Variants in KCNQ2 observed in about 807,000 individuals in gnomAD.
KCNQ2 encodes the protein potassium voltage-gated channel subfamily Q member 2, also known as potassium voltage-gated channel subfamily KQT member 2.
A neutral mutation model predicts 84.8 loss-of-function variants in KCNQ2; 14 were observed. That is an observed-to-expected ratio of 0.17 (90% CI 0.11 to 0.26). KCNQ2 has a LOEUF of 0.26. Among genes scored for constraint, KCNQ2 ranks in the 10% least tolerant of loss-of-function variants. The pLI is 1.00. For synonymous variants in KCNQ2, 599 were observed against 554.1 expected, an observed-to-expected ratio of 1.08 and a Z score of -1.14; for missense variants, 788 against 1,254.0, an observed-to-expected ratio of 0.63 and a Z score of 5.61.
chr20:63,400,772 G>A lies in KCNQ2; in HGVS notation c.*5872C>T. 1 of 398,532 alleles carries A rather than the reference G, an allele frequency of 2.5e-6. No homozygotes were observed. Among genetic ancestry groups the A allele is most frequent in the Non-Finnish European group, 4.4e-6 (1 of 225,990 alleles). 24.7% of individuals were successfully genotyped at this position (398,532 alleles called of 1,614,324 possible). ...GGGATGGCGTCCAGCGGGACCACCA[G>A]CTCTGGGCGCCTCAGTGCGAGACCC... On this transcript the variant is annotated 3_prime_UTR_variant, in exon 17 of 17. Transcript: ENST00000359125. This position sits in a 1 kb window ranked among gnomAD's most constrained non-coding sequence, Gnocchi z 8.7.
chr20:63,423,393 G>A (rs950623947), intron 11 of KCNQ2: 1 of 152,362 alleles, frequency 6.6e-6, no homozygotes, highest in African/African-American at 2.4e-5. Flanking sequence ...ATGGGGCACA[G>A]GGGGCCCAGA....
chr20:63,436,337 C>T (rs6010935), intron 7 of KCNQ2, among the ~76,000 whole-genome samples: 1,935 of 152,302 alleles, frequency 0.013, 42 homozygotes, highest in African/African-American at 0.045. Flanking sequence ...CGAGACCATC[C>T]TGGCTAACAC....
rs779813699 is a variant in KCNQ2, at chr20:63,414,147, G to A, written c.1572C>T (p.Pro524=). Residue 524 remains proline, a synonymous_variant, in exon 14 of 17, where the codon CCC becomes CCT. Transcript: ENST00000359125. The surrounding 1 kb of genome is among the most constrained non-coding windows in gnomAD (Gnocchi z 6.6). ...GEDIVDDKSC[P]CEFVTEDLTP... is the part of the protein sequence containing the mutation. ...TCAGGTCCTCGGTCACAAACTCGCA[G>A]GGGCAGCTCTTGTCATCCACAATGT... The A allele has an allele frequency of 6.2e-6, 10 of 1,613,676 alleles. No individual in the cohort carries two copies. In the African/African-American group the frequency reaches 1.2e-4, roughly 19 times the overall value.
chr20:63,416,861 A>C (rs574429757), intron 12 of KCNQ2, among the ~76,000 whole-genome samples: 1 of 146,424 alleles, frequency 6.8e-6, no homozygotes. Flanking sequence ...GCCCCTCCCC[A>C]CCCCATCCCC....
chr20:63,414,008 G>A lies in KCNQ2; in HGVS notation c.1631+80C>T, dbSNP rs573358023. On this transcript the variant is annotated intron_variant, in intron 14 of 16. Transcript: ENST00000359125. The surrounding 1 kb of genome is among the most constrained non-coding windows in gnomAD (Gnocchi z 6.6). ...TCTGGGCGGCTCTGTCCAGCACCATGAGCACCGGCAGCAGGCAGGACCACC... is the reference window on the plus strand; with the variant it reads ...TCTGGGCGGCTCTGTCCAGCACCATAAGCACCGGCAGCAGGCAGGACCACC... The A allele has an allele frequency of 2.4e-5, 26 of 1,068,954 alleles. No individual in the cohort carries two copies. Among genetic ancestry groups the A allele is most frequent in the Middle Eastern group, 2.2e-4 (1 of 4,528 alleles). 66.2% of individuals were successfully genotyped at this position (1,068,954 alleles called of 1,614,324 possible).
At chr20:63,462,187 G>A (rs2081973258) in intron 1 of KCNQ2, among the ~76,000 whole-genome samples, 3 of 137,388 alleles carry the variant, frequency 2.2e-5, no homozygotes, top group Admixed American at 7.2e-5. Context: ...GCAGGGAGGA[G>A]GCTGCATCTA....
Position 63,407,150 on chromosome 20 carries a change from G to T in KCNQ2, c.2113C>A (p.Pro705Thr). Residue 705 changes from proline to threonine, a missense_variant, in exon 17 of 17, where the codon CCG (proline) becomes ACG (threonine). This residue lies in a region of KCNQ2 where 378 missense variants were observed against 434.5 expected (regional missense o/e 0.87). Coordinates refer to ENST00000359125, the MANE Select transcript of KCNQ2 (RefSeq NM_172107.4). The surrounding 1 kb of genome is among the most constrained non-coding windows in gnomAD (Gnocchi z 7.2). ...GGACACTGGACAGGGGGCGCGGCCG[G>T]GGGCGCCGAGAAGTTCTTCTGGCCC... ...STGQKNFSAP[P>T]AAPPVQCPPS... is the part of the protein sequence containing the mutation. 6.3e-7 allele frequency: 1 copy of T among 1,583,922 alleles called. No individual in the cohort carries two copies.
At position 63,407,075 on chromosome 20, in the gene KCNQ2, T is replaced by C. The variant is rs1441250745; in HGVS notation, c.2188A>G (p.Thr730Ala). 3 of 1,526,148 alleles carry C rather than the reference T, an allele frequency of 2.0e-6. No individual in the cohort carries two copies. Among genetic ancestry groups the C allele is most frequent in the Non-Finnish European group, 2.6e-6 (3 of 1,138,420 alleles). The allele number at this position is 1,526,148 out of a possible 1,614,324, so 94.5% of individuals were successfully genotyped here. ...GAGCCGTGGTCCCCCACGGGGGAGG[T>C]GCCGTGGCCCTGGCGCGGGTGGCTC... ...PQSHPRQGHGTSPVGDHGSLV... is the reference protein window; with the variant it reads ...PQSHPRQGHGASPVGDHGSLV... Residue 730 changes from threonine to alanine, a missense_variant, in exon 17 of 17, where the codon ACC becomes GCC. By Grantham distance (58) the Thr-to-Ala change is moderately conservative. This residue lies in a region of KCNQ2 where 378 missense variants were observed against 434.5 expected (regional missense o/e 0.87). Coordinates refer to ENST00000359125, the MANE Select transcript of KCNQ2 (RefSeq NM_172107.4). The surrounding 1 kb of genome is among the most constrained non-coding windows in gnomAD (Gnocchi z 7.2).
intron 6 of KCNQ2, among the ~76,000 whole-genome samples, chr20:63,439,089 A>G (rs1166682091): frequency 2.6e-5 from 4 of 152,178 alleles, no homozygotes; most frequent in Non-Finnish European, 4.4e-5. Flanking sequence ...TCCACACAGA[A>G]GAGTCTGCAG....
intron 11 of KCNQ2, 134 bp downstream of exon 11, chr20:63,424,043 C>G: frequency 1.0e-6 from 1 of 985,440 alleles, no homozygotes; most frequent in Non-Finnish European, 1.6e-6. Context: ...GGTCTGGACC[C>G]GCAGTCACAC....
Position 63,428,557 on chromosome 20 carries a change from C to G in KCNQ2, c.1149-122G>C, listed in dbSNP as rs1034102063. The G allele has an allele frequency of 6.0e-6, 5 of 834,290 alleles. No homozygotes were observed. In the African/African-American group the frequency reaches 8.4e-5, roughly 14 times the overall value. 51.7% of individuals were successfully genotyped at this position (834,290 alleles called of 1,614,324 possible). On this transcript the variant is annotated intron_variant, in intron 9 of 16. Transcript: ENST00000359125. ...GTGTCAGACACCCGGCGGCATGTGA[C>G]GTGGCCAGGCTTTCAGGCAGCTGCC...
At chr20:63,469,953 A>G (rs12624394) in intron 1 of KCNQ2, among the ~76,000 whole-genome samples, 13,878 of 152,300 alleles carry the variant, frequency 0.091, 1,066 homozygotes, top group East Asian at 0.45. Flanking sequence ...GCTGAGCCAC[A>G]TCCCCTTTCA....
At position 63,431,328 on chromosome 20, in the gene KCNQ2, T is replaced by C; in HGVS notation, c.1148+12A>G. 6.2e-7 allele frequency: 1 copy of C among 1,613,408 alleles called. No individual in the cohort carries two copies. The highest frequency in any genetic ancestry group is 8.5e-7 in the Non-Finnish European group (1 of 1,179,676). ...CACACACACACAGGGCTTCTGTCCA[T>C]GCATTTCCTACCTGGAGGCCCCGTA... On this transcript the variant is annotated intron_variant, in intron 9 of 16. Coordinates refer to ENST00000359125, the MANE Select transcript of KCNQ2 (RefSeq NM_172107.4).
intron 10 of KCNQ2, among the ~76,000 whole-genome samples, chr20:63,424,899 C>T (rs1446180469): frequency 3.9e-5 from 6 of 152,210 alleles, no homozygotes; most frequent in African/African-American, 1.4e-4. Context: ...GCTGGTGCCC[C>T]GGCTGGTACG....
At chr20:63,432,466 A>T (rs866442504) in intron 8 of KCNQ2, among the ~76,000 whole-genome samples, 196 of 98,034 alleles carry the variant, frequency 2.0e-3, no homozygotes, top group Admixed American at 4.1e-3. Flanking sequence ...GGCTCCACCC[A>T]CAGGGAAGGC....
At chr20:63,435,605 G>A (rs2080970701) in intron 7 of KCNQ2, among the ~76,000 whole-genome samples, 1 of 152,238 alleles carries the variant, frequency 6.6e-6, no homozygotes, top group Admixed American at 6.5e-5. Flanking sequence ...GTACACGGCG[G>A]CAGGGCTCAC....
At chr20:63,450,771 G>C (rs1432516227) in intron 1 of KCNQ2, among the ~76,000 whole-genome samples, 1 of 151,862 alleles carries the variant, frequency 6.6e-6, no homozygotes, top group African/African-American at 2.4e-5. Flanking sequence ...TCCATCTTAG[G>C]AAAAGACTCC....
chr20:63,437,067 C>A (rs968502263), intron 7 of KCNQ2, among the ~76,000 whole-genome samples: 1 of 152,208 alleles, frequency 6.6e-6, no homozygotes, highest in Non-Finnish European at 1.5e-5. Context: ...GTGGGAGCCA[C>A]GGTGCCCAGC....
chr20:63,413,908 CAG>C (rs1183045255), intron 14 of KCNQ2, among the ~76,000 whole-genome samples, 178 bp downstream of exon 14: 9 of 152,208 alleles, frequency 5.9e-5, no homozygotes, highest in African/African-American at 2.2e-4. Context: ...GCCTGAGTCC[CAG>C]AGGAGTGCAC....
Sources: allele counts gnomAD v4.1 joint callset (sites outside exome capture counted in the v4.1 genomes callset), GRCh38; gene constraint gnomAD v4.1.1; regional missense constraint gnomAD v4.1.1; non-coding constraint Gnocchi (gnomAD v3.1); transcripts MANE v1.5; gene names NCBI Gene and HGNC (gene_info 2026-07-23, HGNC 2026-07-21).